Variants in PTPRT observed in about 807,000 individuals in gnomAD.
PTPRT encodes the protein receptor-type tyrosine-protein phosphatase T.
PTPRT carries 56 observed loss-of-function variants against 176.8 expected under a neutral mutation model. That is an observed-to-expected ratio of 0.32 (90% CI 0.26 to 0.40). The LOEUF (loss-of-function observed/expected upper bound fraction) is 0.40, where lower values mean the gene tolerates loss of function less well. PTPRT is among the 10% of genes least tolerant of loss of function. PTPRT has a pLI of 1.00. For synonymous variants in PTPRT, 783 were observed against 739.0 expected (o/e 1.06, Z -0.96); for missense variants, 1,540 against 1,908.2 (o/e 0.81, Z 3.60).
chr20:42,892,864 T>C (rs1224499194), intron 1 of PTPRT, among the ~76,000 whole-genome samples: 2 of 152,178 alleles, frequency 1.3e-5, no homozygotes, highest in Non-Finnish European at 2.9e-5. Flanking sequence ...TGCTTGCACT[T>C]TATTGTTCAG....
chr20:42,535,881 AAC>A (rs759889356), intron 7 of PTPRT, among the ~76,000 whole-genome samples: 3 of 152,294 alleles, frequency 2.0e-5, no homozygotes, highest in East Asian at 3.9e-4. Flanking sequence ...GATCAGGGGC[AAC>A]ACAAAGATTG....
chr20:42,863,135 C>T (rs1249015182), intron 2 of PTPRT, among the ~76,000 whole-genome samples: 3 of 152,222 alleles, frequency 2.0e-5, no homozygotes, highest in Admixed American at 2.0e-4. Flanking sequence ...AACCTAGATT[C>T]ATGTGATAGG....
intron 3 of PTPRT, among the ~76,000 whole-genome samples, chr20:42,787,554 C>T (rs967464965): frequency 1.3e-5 from 2 of 152,250 alleles, no homozygotes; most frequent in African/African-American, 4.8e-5. Context: ...GCCTTCACTA[C>T]AGAGAATCTC....
At chr20:42,266,102 C>T (rs2056834548) in intron 13 of PTPRT, among the ~76,000 whole-genome samples, 1 of 152,204 alleles carries the variant, frequency 6.6e-6, no homozygotes, top group African/African-American at 2.4e-5. Context: ...CTTCTGTTGA[C>T]CCTCACCATG....
intron 6 of PTPRT, among the ~76,000 whole-genome samples, chr20:42,743,443 T>G (rs959914803): frequency 1.3e-5 from 2 of 152,202 alleles, no homozygotes; most frequent in African/African-American, 4.8e-5. Context: ...AGCAGAGATT[T>G]TATTCTATTC....
At chr20:43,002,939 G>A (rs998188827) in intron 1 of PTPRT, among the ~76,000 whole-genome samples, 1 of 149,530 alleles carries the variant, frequency 6.7e-6, no homozygotes, top group African/African-American at 2.5e-5. Flanking sequence ...TTGAGAAAAA[G>A]AAAATAAACT....
chr20:42,599,782 A>T (rs150725807), intron 7 of PTPRT, among the ~76,000 whole-genome samples: 1 of 152,290 alleles, frequency 6.6e-6, no homozygotes, highest in Non-Finnish European at 1.5e-5. Context: ...TTACATTTGT[A>T]ATCAGGGGAT....
At chr20:42,382,451 C>A (rs568352222) in intron 9 of PTPRT, among the ~76,000 whole-genome samples, 4 of 152,166 alleles carry the variant, frequency 2.6e-5, no homozygotes, top group Admixed American at 2.6e-4. Context: ...GCTTCCAGAT[C>A]CCTGTACATC....
chr20:42,411,295 A>T (rs1221501192), intron 9 of PTPRT, among the ~76,000 whole-genome samples: 1 of 151,866 alleles, frequency 6.6e-6, no homozygotes, highest in East Asian at 1.9e-4. Context: ...AAATATGAAA[A>T]TTAGCCAGGC....
At chr20:42,619,361 GCTGCC>G (rs1450756436) in intron 7 of PTPRT, among the ~76,000 whole-genome samples, 2 of 129,076 alleles carry the variant, frequency 1.5e-5, no homozygotes, top group African/African-American at 7.1e-5. Flanking sequence ...TTTCTCTCTG[GCTGCC>G]CTTAACATTT....
chr20:42,088,357 G>C (rs1448540734), intron 27 of PTPRT, among the ~76,000 whole-genome samples: 4 of 152,178 alleles, frequency 2.6e-5, no homozygotes, highest in Non-Finnish European at 5.9e-5. Context: ...CAGATGCAGG[G>C]TTTTCATCGA....
At chr20:42,385,042 T>C (rs2058732080) in intron 9 of PTPRT, among the ~76,000 whole-genome samples, 1 of 152,216 alleles carries the variant, frequency 6.6e-6, no homozygotes, top group South Asian at 2.1e-4. Flanking sequence ...GGCTGTCTCT[T>C]CATTATGCTG....
intron 1 of PTPRT, among the ~76,000 whole-genome samples, chr20:43,087,677 T>C (rs774597131): frequency 3.3e-5 from 5 of 152,170 alleles, no homozygotes; most frequent in Non-Finnish European, 5.9e-5. Flanking sequence ...ATTGTTCTTT[T>C]CAGGGGCCTC....
intron 12 of PTPRT, among the ~76,000 whole-genome samples, chr20:42,313,956 G>A (rs1018160190): frequency 3.9e-5 from 6 of 152,066 alleles, no homozygotes; most frequent in African/African-American, 7.2e-5. Flanking sequence ...TCCTCAATCC[G>A]GGTTTCTCAC....
chr20:42,196,630 A>G (rs1991227963), intron 16 of PTPRT, among the ~76,000 whole-genome samples: 1 of 152,208 alleles, frequency 6.6e-6, no homozygotes, highest in African/African-American at 2.4e-5. Flanking sequence ...TATAGCTAGG[A>G]TGTTCCTTTC....
At chr20:43,005,126 C>T (rs866321809) in intron 1 of PTPRT, among the ~76,000 whole-genome samples, 6 of 151,854 alleles carry the variant, frequency 4.0e-5, no homozygotes, top group Non-Finnish European at 5.9e-5. Context: ...TGCATCTCAC[C>T]AGCACCCAGG....
At position 42,348,566 on chromosome 20, in the gene PTPRT, G is replaced by C. The variant is rs1007707993; in HGVS notation, c.1865+2062C>G. On this transcript the variant is annotated intron_variant, in intron 11 of 30. Coordinates refer to ENST00000373187, the MANE Select transcript of PTPRT (RefSeq NM_007050.6). ...GCCTGAGTCAACTGACTTAGCTTCT[G>C]TTTGTCTCAATTTCTATATTTGCAA... Among the ~76,000 whole-genome samples the C allele has an allele frequency of 2.0e-5, 3 of 152,046 alleles. No individual in the cohort carries two copies. The South Asian group carries it at 6.2e-4, about 31-fold the overall frequency.
chr20:42,700,353 G>A (rs1259145551), intron 6 of PTPRT, among the ~76,000 whole-genome samples: 2 of 152,090 alleles, frequency 1.3e-5, no homozygotes, highest in East Asian at 1.9e-4. Context: ...GAAGCCTGGA[G>A]GCTGGCAGGC....
chr20:42,350,484 T>G, intron 11 of PTPRT, 144 bp downstream of exon 11: 1 of 704,826 alleles, frequency 1.4e-6, no homozygotes, highest in Non-Finnish European at 2.5e-6. Context: ...GAACTGGGCT[T>G]GGGGCTGCTG....
Sources: allele counts gnomAD v4.1 joint callset (sites outside exome capture counted in the v4.1 genomes callset), GRCh38; gene constraint gnomAD v4.1.1; transcripts MANE v1.5; gene names NCBI Gene and HGNC (gene_info 2026-07-23, HGNC 2026-07-21).